Variants in DAAM1 observed in about 807,000 individuals in gnomAD.
DAAM1 encodes disheveled-associated activator of morphogenesis 1.
DAAM1 carries 52 observed loss-of-function variants against 130.0 expected under a neutral mutation model. That is an observed-to-expected ratio of 0.40 (90% CI 0.32 to 0.50). The LOEUF (loss-of-function observed/expected upper bound fraction) is 0.50. Ranked by LOEUF, DAAM1 falls within the 20% of genes least tolerant of loss-of-function variation. The pLI is 0.61. For missense variants in DAAM1, 1,134 were observed against 1,303.8 expected, an observed-to-expected ratio of 0.87 and a Z score of 2.01; for synonymous variants, 452 against 444.5, an observed-to-expected ratio of 1.02 and a Z score of -0.21.
chr14:59,228,724 C>T (rs563588852), intron 1 of DAAM1, among the ~76,000 whole-genome samples: 1 of 152,330 alleles, frequency 6.6e-6, no homozygotes, highest in South Asian at 2.1e-4. Context: ...GGCCAGCACA[C>T]TCAGTCCACA....
chr14:59,210,819 G>C (rs184900029), intron 1 of DAAM1, among the ~76,000 whole-genome samples: 7 of 152,316 alleles, frequency 4.6e-5, no homozygotes, highest in African/African-American at 1.7e-4. Flanking sequence ...GACTAAACTT[G>C]TTTGGAAAAT....
chr14:59,292,062 A>G (rs1050346316), intron 3 of DAAM1, among the ~76,000 whole-genome samples: 2 of 151,996 alleles, frequency 1.3e-5, no homozygotes, highest in African/African-American at 4.8e-5. Context: ...CACTCTGCCA[A>G]CTTTTAAACC....
At chr14:59,207,118 A>T (rs1888283051) in intron 1 of DAAM1, among the ~76,000 whole-genome samples, 1 of 152,246 alleles carries the variant, frequency 6.6e-6, no homozygotes, top group South Asian at 2.1e-4. Flanking sequence ...TTTGAAGAAC[A>T]GGTATCTATA....
At chr14:59,301,504 G>A (rs915093432) in intron 3 of DAAM1, among the ~76,000 whole-genome samples, 1 of 152,076 alleles carries the variant, frequency 6.6e-6, no homozygotes, top group Non-Finnish European at 1.5e-5. Context: ...CAGGCAAATT[G>A]TGTTTCCATC....
chr14:59,291,486 G>A lies in DAAM1; in HGVS notation c.273+180G>A, dbSNP rs1376252172. 12 of 554,152 alleles carry A rather than the reference G, an allele frequency of 2.2e-5. No homozygotes were observed. The Admixed American group carries it at 3.5e-4, about 16-fold the overall frequency. The allele number at this position is 554,152 out of a possible 1,614,324, so 34.3% of individuals were successfully genotyped here. ...AATTCCCTGGATGTTGTTTTTGTCA[G>A]TACTTCATTGGGCTCTTTTCCACCT... On this transcript the variant is annotated intron_variant, in intron 3 of 24. Coordinates refer to ENST00000360909, the MANE Select transcript of DAAM1 (RefSeq NM_001270520.2).
At chr14:59,321,768 G>A (rs1296535911) in intron 5 of DAAM1, among the ~76,000 whole-genome samples, 1 of 152,176 alleles carries the variant, frequency 6.6e-6, no homozygotes, top group Non-Finnish European at 1.5e-5. Flanking sequence ...AAAATACTGT[G>A]TAGTTATATG....
chr14:59,224,681 T>G lies in DAAM1; in HGVS notation c.-38+35913T>G, dbSNP rs534271461. Among the ~76,000 whole-genome samples, 24 of 152,374 alleles carry G rather than the reference T, an allele frequency of 1.6e-4. 2 individuals carry two copies. In the South Asian group the frequency reaches 5.0e-3, roughly 32 times the overall value. On this transcript the variant is annotated intron_variant, in intron 1 of 24. Transcript: ENST00000360909. ...TGGGGCTATTGAGGTGGAATTAATG[T>G]ATTTTGCACGTGAGAAAAACATGAA...
At chr14:59,353,585 A>ACAG (rs1217120262) in intron 18 of DAAM1, among the ~76,000 whole-genome samples, 1 of 152,080 alleles carries the variant, frequency 6.6e-6, no homozygotes, top group African/African-American at 2.4e-5. Flanking sequence ...GCTTCAGTCA[A>ACAG]CAGCAGCAGC....
At chr14:59,301,113 G>A (rs1407349684) in intron 3 of DAAM1, among the ~76,000 whole-genome samples, 7 of 152,154 alleles carry the variant, frequency 4.6e-5, no homozygotes, top group African/African-American at 1.2e-4. Context: ...CTCATTGCTC[G>A]ATCAATCATT....
chr14:59,261,923 T>C lies in DAAM1; in HGVS notation c.-37-1518T>C, dbSNP rs541338566. On this transcript the variant is annotated intron_variant, in intron 1 of 24. Transcript: ENST00000360909. ...ACAAACTTGACCCTAGTCTTTCTTC[T>C]ATGTGTATACTTTTATATTTAAGTA... Among the ~76,000 whole-genome samples the C allele has an allele frequency of 4.6e-5, 7 of 152,326 alleles. No homozygotes were observed. In the South Asian group the frequency reaches 1.5e-3, roughly 32 times the overall value.
At chr14:59,363,848 T>C in intron 23 of DAAM1, 66 bp downstream of exon 23, 1 of 1,597,712 alleles carries the variant, frequency 6.3e-7, no homozygotes, top group Non-Finnish European at 8.5e-7. Context: ...ATACTTTCAG[T>C]TATTATTCTG....
intron 16 of DAAM1, among the ~76,000 whole-genome samples, chr14:59,345,808 C>T (rs1332135327): frequency 6.6e-6 from 1 of 152,114 alleles, no homozygotes; most frequent in East Asian, 1.9e-4. Context: ...AAATAAGGAC[C>T]TCATCTTCTA....
At chr14:59,234,351 T>C (rs1889219596) in intron 1 of DAAM1, among the ~76,000 whole-genome samples, 1 of 152,186 alleles carries the variant, frequency 6.6e-6, no homozygotes, top group Admixed American at 6.6e-5. Context: ...TCACGTCCTT[T>C]GTCAGCTGTA....
intron 1 of DAAM1, among the ~76,000 whole-genome samples, chr14:59,227,891 C>A (rs961741362): frequency 6.6e-6 from 1 of 152,254 alleles, no homozygotes; most frequent in East Asian, 1.9e-4. Flanking sequence ...CCCAGTGAGA[C>A]GCGGGGATTT....
chr14:59,210,277 A>G (rs562061783), intron 1 of DAAM1, among the ~76,000 whole-genome samples: 2 of 152,350 alleles, frequency 1.3e-5, no homozygotes, highest in African/African-American at 2.4e-5. Flanking sequence ...TTATATTACA[A>G]TTATCTGTGA....
chr14:59,293,407 CCT>C (rs1566688405), intron 3 of DAAM1, among the ~76,000 whole-genome samples: 1 of 152,148 alleles, frequency 6.6e-6, no homozygotes, highest in Non-Finnish European at 1.5e-5. Context: ...CCCTTGAAAA[CCT>C]CATCTCAAGT....
chr14:59,247,668 T>C (rs1157111654), intron 1 of DAAM1, among the ~76,000 whole-genome samples: 3 of 152,060 alleles, frequency 2.0e-5, no homozygotes, highest in African/African-American at 7.2e-5. Context: ...CTCTAAACTT[T>C]CAGCGACAGG....
chr14:59,271,606 C>G (rs1882709753), intron 2 of DAAM1, among the ~76,000 whole-genome samples: 1 of 152,132 alleles, frequency 6.6e-6, no homozygotes, highest in Admixed American at 6.5e-5. Flanking sequence ...TTCATATATT[C>G]TGAAGTCATT....
chr14:59,250,210 G>A (rs1881573936), intron 1 of DAAM1, among the ~76,000 whole-genome samples: 1 of 152,074 alleles, frequency 6.6e-6, no homozygotes, highest in Admixed American at 6.5e-5. Context: ...ATTACATCTG[G>A]GAACATACAG....
Sources: gnomAD v4.1 joint callset for allele counts (sites outside exome capture counted in the v4.1 genomes callset) on GRCh38, gnomAD v4.1.1 for gene constraint, MANE v1.5 for transcripts, NCBI Gene and HGNC (gene_info 2026-07-23, HGNC 2026-07-21) for gene names.